The following LDHA variants were observed in gnomAD, a reference collection of about 807,000 sequenced individuals.
The protein encoded by LDHA is lactate dehydrogenase A.
In LDHA, 10 loss-of-function variants were observed where a neutral mutation model predicts 36.3. The observed-to-expected ratio is 0.28, with a 90% CI of 0.17 to 0.47. The LOEUF (loss-of-function observed/expected upper bound fraction) is 0.47. LDHA is among the 20% of genes least tolerant of loss of function. The pLI, the probability that LDHA is intolerant of heterozygous loss-of-function variation, is 0.99. For synonymous variants in LDHA, 110 were observed against 136.7 expected (o/e 0.80, Z 1.36); for missense variants, 267 against 405.8 (o/e 0.66, Z 2.94).
chr11:18,400,522 T>C lies in LDHA; in HGVS notation c.245-315T>C, dbSNP rs1590213629. On this transcript the variant is annotated intron_variant, in intron 3 of 7. Transcript: ENST00000422447. ...CTGGGCTGATAGGACACCAGTTAAG[T>C]AGAAACAGGAGTATGGAAGAGTGTG... 1.0e-5 allele frequency: 4 copies of C among 387,466 alleles called. No individual in the cohort carries two copies. The East Asian group carries it at 2.5e-4, about 25-fold the overall frequency. 24.0% of individuals were successfully genotyped at this position (387,466 alleles called of 1,614,324 possible).
rs200339612 is a variant in LDHA at position 18,396,015 on chromosome 11, C to A, written c.-24-804C>A. On this transcript the variant is annotated intron_variant, in intron 1 of 7. Transcript: ENST00000422447. ...ACCTGGGAGGCTGCCAGCTAGGCTT[C>A]ACGTTGCTGGCGTCTGCTTCGGGGC... is the stretch of plus-strand genomic sequence containing the variant. Among the ~76,000 whole-genome samples, 3 of 152,364 alleles carry A rather than the reference C, an allele frequency of 2.0e-5. No individual in the cohort carries two copies. The East Asian group carries it at 5.8e-4, about 29-fold the overall frequency.
intron 4 of LDHA, 57 bp from the exon 5 acceptor site, chr11:18,402,783 C>T (rs1866551379): frequency 3.7e-6 from 5 of 1,350,646 alleles, no homozygotes; most frequent in South Asian, 3.5e-5. Flanking sequence ...GTAGGTATAT[C>T]TTTTTTGTGT....
intron 3 of LDHA, 152 bp downstream of exon 3, chr11:18,399,700 C>A: frequency 1.5e-6 from 1 of 687,978 alleles, no homozygotes; most frequent in Non-Finnish European, 2.7e-6. Flanking sequence ...CCTTCCACTT[C>A]ATTACCCCCT....
intron 3 of LDHA, 24 bp downstream of exon 3, chr11:18,399,572 A>G (rs758355826): frequency 1.4e-6 from 2 of 1,467,854 alleles, no homozygotes; most frequent in Non-Finnish European, 1.9e-6. Context: ...AGTTTATATT[A>G]TAATCCATGC....
intron 7 of LDHA, among the ~76,000 whole-genome samples, chr11:18,406,887 G>T (rs535171320): frequency 1.3e-5 from 2 of 151,344 alleles, no homozygotes; most frequent in Admixed American, 1.3e-4. Context: ...GGTGGCGCAC[G>T]CCTGTAGTCC....
At chr11:18,404,878 TG>T (rs1866629823) in intron 6 of LDHA, among the ~76,000 whole-genome samples, 1 of 152,112 alleles carries the variant, frequency 6.6e-6, no homozygotes, top group Admixed American at 6.5e-5. Context: ...CCCTCTTGTT[TG>T]TATTTGTTTA....
At chr11:18,404,423 GAAA>G (rs550823219) in intron 6 of LDHA, among the ~76,000 whole-genome samples, 50 of 149,126 alleles carry the variant, frequency 3.4e-4, no homozygotes, top group Admixed American at 8.7e-4. Flanking sequence ...TGTCTCAAAG[GAAA>G]AAAAAAATTA....
chr11:18,404,033 C>T (rs187467694), intron 6 of LDHA, among the ~76,000 whole-genome samples: 2 of 152,162 alleles, frequency 1.3e-5, no homozygotes, highest in African/African-American at 2.4e-5. Flanking sequence ...CGGGTTCAGG[C>T]GATTCTCCTG....
intron 6 of LDHA, among the ~76,000 whole-genome samples, chr11:18,404,323 C>T (rs897812892): frequency 6.6e-6 from 1 of 151,344 alleles, no homozygotes; most frequent in African/African-American, 2.4e-5. Flanking sequence ...GCAGGAGGAT[C>T]GCATGAGCCT....
chr11:18,396,839 C>T lies in LDHA; in HGVS notation c.-4C>T, dbSNP rs1866321338. 1 of 1,610,282 alleles carries T rather than the reference C, an allele frequency of 6.2e-7. No homozygotes were observed. On this transcript the variant is annotated 5_prime_UTR_variant, in exon 2 of 8. Transcript: ENST00000422447. ...TATAGATTCCTTTTGGTTCCAAGTCCAATATGGCAACTCTAAAGGATCAGC... is the reference window on the plus strand; with the variant it reads ...TATAGATTCCTTTTGGTTCCAAGTCTAATATGGCAACTCTAAAGGATCAGC...
chr11:18,401,955 C>CTTTTTTTTTTTTTTTTTTTT (rs1554961218), intron 4 of LDHA, among the ~76,000 whole-genome samples: 11 of 52,264 alleles, frequency 2.1e-4, no homozygotes, highest in Admixed American at 6.1e-4. Flanking sequence ...TTGTTATTCT[C>CTTTTTTTTTTTTTTTTTTTT]TTTTTTTTTT....
At chr11:18,399,004 C>T (rs949282559) in intron 2 of LDHA, 17 of 228,788 alleles carry the variant, frequency 7.4e-5, no homozygotes, top group African/African-American at 2.8e-4. Context: ...TCACTATGCC[C>T]GGCCAGAACA....
chr11:18,404,258 A>G (rs542162368), intron 6 of LDHA, among the ~76,000 whole-genome samples: 80 of 152,274 alleles, frequency 5.3e-4, no homozygotes, highest in Admixed American at 2.4e-3. Flanking sequence ...TAAATACACA[A>G]ATTAGCCAGG....
In LDHA at chr11:18,396,549, T is replaced by C. The variant is rs370097085; in HGVS notation, c.-24-270T>C. 1.6e-5 allele frequency: 21 copies of C among 1,337,970 alleles called. No homozygotes were observed. In the African/African-American group the frequency reaches 2.4e-4, roughly 15 times the overall value. 82.9% of individuals were successfully genotyped at this position (1,337,970 alleles called of 1,614,324 possible). On this transcript the variant is annotated intron_variant, in intron 1 of 7. Transcript: ENST00000422447. Reference sequence around the variant, plus strand: ...CCCACTTGGGGTTAATAAACCGCGATGGGTGAACCCTCAGGAGGCTATACT... The same window carrying C: ...CCCACTTGGGGTTAATAAACCGCGACGGGTGAACCCTCAGGAGGCTATACT...
chr11:18,396,228 C>T (rs535700069), intron 1 of LDHA: 57 of 299,152 alleles, frequency 1.9e-4, no homozygotes, highest in African/African-American at 1.1e-3. Flanking sequence ...TGCGCATGCG[C>T]ACGCGCACAA....
chr11:18,396,565 A>T, intron 1 of LDHA: 1 of 1,372,868 alleles, frequency 7.3e-7, no homozygotes, highest in Non-Finnish European at 9.4e-7. Flanking sequence ...AACCCTCAGG[A>T]GGCTATACTT....
At chr11:18,405,713 G>T (rs1166423476) in intron 7 of LDHA, 141 bp downstream of exon 7, 1 of 903,216 alleles carries the variant, frequency 1.1e-6, no homozygotes, top group Non-Finnish European at 1.8e-6. Flanking sequence ...TACCTTTTTT[G>T]AAAGAAATGG....
chr11:18,398,466 C>T (rs988355359), intron 2 of LDHA, among the ~76,000 whole-genome samples: 7 of 151,804 alleles, frequency 4.6e-5, no homozygotes, highest in East Asian at 3.9e-4. Context: ...GATCTTGGCT[C>T]ACTTGACCTC....
Position 18,401,955 on chromosome 11 carries a change from C to CTCTCTTTT in LDHA, c.419-884_419-883insCTCTTTTT, listed in dbSNP as rs59534512. Among the ~76,000 whole-genome samples the CTCTCTTTT allele has an allele frequency of 4.2e-3, 218 of 52,236 alleles. 33 individuals are homozygous for CTCTCTTTT. Among genetic ancestry groups the CTCTCTTTT allele is most frequent in the Non-Finnish European group, 6.4e-3 (170 of 26,532 alleles). 34.3% of individuals were successfully genotyped at this position (52,236 alleles called of 152,430 possible). A position where few individuals can be genotyped will look rare whatever the true frequency, so the allele number is the denominator to read the frequency against. On this transcript the variant is annotated intron_variant, in intron 4 of 7. Coordinates refer to ENST00000422447, the MANE Select transcript of LDHA (RefSeq NM_005566.4). The stretch of plus-strand genomic sequence containing the variant: ...TAAGTTTGTGAATAATTGTTATTCT[C>CTCTCTTTT]TTTTTTTTTTTTTTTTTTTTTGAGA...
Sources: gnomAD v4.1 joint callset for allele counts (sites outside exome capture counted in the v4.1 genomes callset) on GRCh38, gnomAD v4.1.1 for gene constraint, MANE v1.5 for transcripts, NCBI Gene and HGNC (gene_info 2026-07-23, HGNC 2026-07-21) for gene names.